The following PAGE5 variants were observed in gnomAD, a reference collection of about 807,000 sequenced individuals.
The protein encoded by PAGE5 is PAGE family member 5.
A neutral mutation model predicts 8.1 loss-of-function variants in PAGE5; 8 were observed. The ratio of observed to expected loss-of-function variants is 0.98; its 90% CI spans 0.58 to 1.77. The LOEUF (loss-of-function observed/expected upper bound fraction) is 1.77, where lower values mean the gene tolerates loss of function less well. PAGE5 is among the 40% of genes most tolerant of loss of function. The probability of loss-of-function intolerance (pLI) is 0.00; values close to 1 mark genes in which losing one functional copy is unlikely to be tolerated. For missense variants in PAGE5, 64 were observed against 77.6 expected (o/e 0.82, Z 0.66); for synonymous variants, 30 against 27.0 (o/e 1.11, Z -0.35).
At chrX:55,220,645 G>A (rs750510595) in intron 1 of PAGE5, 193 bp downstream of exon 1, 17 of 1,201,721 alleles carry the variant, frequency 1.4e-5, no homozygotes, top group Non-Finnish European at 1.9e-5. Context: ...TGGAACGAGG[G>A]AGGAAGGTAG....
rs1937874508 is a variant in PAGE5, at chrX:55,220,440, C to T, written c.-21C>T. 4 of 506,409 alleles carry T rather than the reference C, an allele frequency of 7.9e-6. No homozygotes were observed. The highest frequency in any genetic ancestry group is 5.7e-5 in the South Asian group (2 of 35,145). 41.7% of individuals were successfully genotyped at this position (506,409 alleles called of 1,213,427 possible). A position where few individuals can be genotyped will look rare whatever the true frequency, so the allele number is the denominator to read the frequency against. ...AACATCTTCGTTCTTTCTCACTGAC[C>T]GAGACTCAGCCGGTAGGTCTGCAGA... On this transcript the variant is annotated 5_prime_UTR_variant, in exon 1 of 5. Transcript: ENST00000374955.
At chrX:55,221,178 G>A (rs897962213) in intron 1 of PAGE5, among the ~76,000 whole-genome samples, 197 bp from the exon 2 acceptor site, 19 of 111,608 alleles carry the variant, frequency 1.7e-4, no homozygotes, top group African/African-American at 5.9e-4. Flanking sequence ...GGTGTTTTCT[G>A]TGCCTCTTCG....
At position 55,221,780 on chromosome X, in the gene PAGE5, C is replaced by T. The variant is rs141046470; in HGVS notation, c.95C>T (p.Thr32Ile). Reference sequence around the variant, plus strand: ...TTACACCCTTAGGTCCAGCAGCCCACTGAGGAAAAACGTCAAGAAGAGGAA... The same window carrying T: ...TTACACCCTTAGGTCCAGCAGCCCATTGAGGAAAAACGTCAAGAAGAGGAA... ...PVGPVIVQQP[T>I]EEKRQEEEPP... is the part of the protein sequence containing the mutation. The change falls in exon 3 of 5, where the codon ACT (threonine) becomes ATT (isoleucine). Residue 32 changes from threonine (T) to isoleucine (I), a missense_variant. Coordinates refer to ENST00000374955, the MANE Select transcript of PAGE5 (RefSeq NM_001013435.3). The T allele has an allele frequency of 1.5e-3, 1,758 of 1,207,649 alleles. 14 individuals are homozygous for T. In the African/African-American group the frequency reaches 0.028, roughly 19 times the overall value.
chrX:55,222,486 C>T (rs969826955), intron 3 of PAGE5, 135 bp from the exon 4 acceptor site: 4 of 755,837 alleles, frequency 5.3e-6, no homozygotes, highest in African/African-American at 4.2e-5. Flanking sequence ...TTTCTGCTTT[C>T]CTGCTTTTCT....
intron 1 of PAGE5, chrX:55,220,659 G>A (rs752493003): frequency 7.0e-5 from 83 of 1,194,055 alleles, no homozygotes; most frequent in Non-Finnish European, 8.2e-5. Context: ...AAGGTAGGCC[G>A]TGGAGGGGGT....
rs1937889528 is a variant in PAGE5, at chrX:55,221,407, C to T, written c.25C>T (p.Gln9Ter). 8 of 1,210,809 alleles carry T rather than the reference C, an allele frequency of 6.6e-6. No individual in the cohort carries two copies. The highest frequency in any genetic ancestry group is 1.8e-5 in the South Asian group (1 of 56,924). ...TATGAGTGAGCATGTAACAAGATCC[C>T]AATCCTCAGAAAGAGGAAATGACCA... MSEHVTRS[Q>*]SSERGNDQES... is the part of the protein sequence containing the mutation. Residue 9 changes from glutamine (Q) to a stop codon, truncating the protein, a stop_gained, in exon 2 of 5, where the codon CAA becomes TAA. Coordinates refer to ENST00000374955, the MANE Select transcript of PAGE5 (RefSeq NM_001013435.3). LOFTEE classifies it high-confidence loss of function.
Position 55,221,378 on chromosome X carries a change from G to C in PAGE5, c.-5G>C. The C allele has an allele frequency of 1.7e-6, 2 of 1,207,469 alleles. No homozygotes were observed. The highest frequency in any genetic ancestry group is 2.3e-4 in the Middle Eastern group (1 of 4,318). ...AATAACAATATTTTGTTTTCAGTGA[G>C]AGATATGAGTGAGCATGTAACAAGA... On this transcript the variant is annotated 5_prime_UTR_variant, in exon 2 of 5. Transcript: ENST00000374955.
In PAGE5 at chrX:55,221,931, A is replaced by C. The variant is rs1400549539; in HGVS notation, c.190+56A>C. ...GGTGGTGGAGGTCTATTTATGCATTATATTTTGTGACATACCAGTAACAGG... is the reference window on the plus strand; with the variant it reads ...GGTGGTGGAGGTCTATTTATGCATTCTATTTTGTGACATACCAGTAACAGG... On this transcript the variant is annotated intron_variant, in intron 3 of 4. Coordinates refer to ENST00000374955, the MANE Select transcript of PAGE5 (RefSeq NM_001013435.3). 15 of 1,083,039 alleles carry C rather than the reference A, an allele frequency of 1.4e-5. No homozygotes were observed. The South Asian group carries it at 2.5e-4, about 18-fold the overall frequency. The allele number at this position is 1,083,039 out of a possible 1,213,427, so 89.3% of individuals were successfully genotyped here. A position where few individuals can be genotyped will look rare whatever the true frequency, so the allele number is the denominator to read the frequency against.
At position 55,221,938 on chromosome X, in the gene PAGE5, G is replaced by A. The variant is rs191236450; in HGVS notation, c.190+63G>A. On this transcript the variant is annotated intron_variant, in intron 3 of 4. Coordinates refer to ENST00000374955, the MANE Select transcript of PAGE5 (RefSeq NM_001013435.3). Reference sequence around the variant, plus strand: ...GAGGTCTATTTATGCATTATATTTTGTGACATACCAGTAACAGGAGGACAG... The same window carrying A: ...GAGGTCTATTTATGCATTATATTTTATGACATACCAGTAACAGGAGGACAG... 3.0e-4 allele frequency: 320 copies of A among 1,054,039 alleles called. 1 individual carries two copies. In the Admixed American group the frequency reaches 7.5e-3, roughly 25 times the overall value. 86.9% of individuals were successfully genotyped at this position (1,054,039 alleles called of 1,213,427 possible).
At chrX:55,220,803 G>A in intron 1 of PAGE5, 1 of 611,972 alleles carries the variant, frequency 1.6e-6, no homozygotes, top group Non-Finnish European at 2.5e-6. Context: ...GGATGGTGTG[G>A]GTGGTAAGGA....
rs1169370571 is a variant in PAGE5, at chrX:55,220,410, T to C, written c.-51T>C. On this transcript the variant is annotated 5_prime_UTR_variant, in exon 1 of 5. Coordinates refer to ENST00000374955, the MANE Select transcript of PAGE5 (RefSeq NM_001013435.3). ...TTCGTTCTTTCCGCCATCTTCGTTCTTTCCAACATCTTCGTTCTTTCTCAC... is the reference window on the plus strand; with the variant it reads ...TTCGTTCTTTCCGCCATCTTCGTTCCTTCCAACATCTTCGTTCTTTCTCAC... 8.8e-6 allele frequency: 4 copies of C among 456,855 alleles called. No individual in the cohort carries two copies. The African/African-American group carries it at 9.6e-5, about 11-fold the overall frequency. The allele number at this position is 456,855 out of a possible 1,213,427, so 37.6% of individuals were successfully genotyped here. A position where few individuals can be genotyped will look rare whatever the true frequency, so the allele number is the denominator to read the frequency against.
chrX:55,221,635 A>T, intron 2 of PAGE5, 132 bp from the exon 3 acceptor site: 1 of 909,758 alleles, frequency 1.1e-6, no homozygotes, highest in Non-Finnish European at 1.5e-6. Context: ...TGCCTTATGG[A>T]TATGGATATT....
At chrX:55,221,077 G>A (rs1388572876) in intron 1 of PAGE5, among the ~76,000 whole-genome samples, 1 of 110,628 alleles carries the variant, frequency 9.0e-6, no homozygotes, top group East Asian at 2.8e-4. Flanking sequence ...TCAATTTTCT[G>A]CCCGTTTTTT....
chrX:55,222,805 G>A (rs1038814839), intron 4 of PAGE5, 59 bp downstream of exon 4: 3 of 1,132,108 alleles, frequency 2.6e-6, no homozygotes, highest in Admixed American at 2.4e-5. Flanking sequence ...ATTGTATTTT[G>A]TGTGACACAG....
At chrX:55,222,217 A>G (rs1937902731) in intron 3 of PAGE5, among the ~76,000 whole-genome samples, 1 of 112,164 alleles carries the variant, frequency 8.9e-6, no homozygotes, top group East Asian at 2.8e-4. Flanking sequence ...GCAGCTTCCT[A>G]GTCTGCCATC....
At chrX:55,222,885 A>G (rs1413317675) in intron 4 of PAGE5, 139 bp downstream of exon 4, 1 of 765,146 alleles carries the variant, frequency 1.3e-6, no homozygotes, top group Non-Finnish European at 1.9e-6. Flanking sequence ...TTCAGACCCC[A>G]AATGGCTGCC....
At chrX:55,220,570 C>T (rs1424513021) in intron 1 of PAGE5, 118 bp downstream of exon 1, 68 of 1,176,983 alleles carry the variant, frequency 5.8e-5, no homozygotes, top group Non-Finnish European at 7.3e-5. Context: ...AAGGGCCTCG[C>T]GGTGGTCCTC....
chrX:55,221,025 C>G (rs1221623539), intron 1 of PAGE5, among the ~76,000 whole-genome samples: 1 of 110,734 alleles, frequency 9.0e-6, no homozygotes, highest in Non-Finnish European at 1.9e-5. Context: ...GGTGGTGGCC[C>G]TAGTATATCA....
rs141046470 is a variant in PAGE5, at chrX:55,221,780, C to G, written c.95C>G (p.Thr32Ser). 8.3e-7 allele frequency: 1 copy of G among 1,209,732 alleles called. No individual in the cohort carries two copies. The highest frequency in any genetic ancestry group is 2.2e-5 in the Admixed American group (1 of 45,803). The change falls in exon 3 of 5, where the codon ACT becomes AGT. Residue 32 changes from threonine to serine, a missense_variant. By Grantham distance (58) the Thr-to-Ser change is moderately conservative. Transcript: ENST00000374955. ...TTACACCCTTAGGTCCAGCAGCCCA[C>G]TGAGGAAAAACGTCAAGAAGAGGAA... is the stretch of plus-strand genomic sequence containing the variant. ...PVGPVIVQQP[T>S]EEKRQEEEPP...
Sources: allele counts gnomAD v4.1 joint callset (sites outside exome capture counted in the v4.1 genomes callset), GRCh38; gene constraint gnomAD v4.1.1; transcripts MANE v1.5; gene names NCBI Gene and HGNC (gene_info 2026-07-23, HGNC 2026-07-21).